The following MRAP2 variants were observed in gnomAD, a reference collection of about 807,000 sequenced individuals.
The protein encoded by MRAP2 is melanocortin-2 receptor accessory protein 2.
Under a neutral mutation model 17.4 loss-of-function variants are expected in MRAP2, and 20 were observed. The observed-to-expected ratio is 1.15, with a 90% CI of 0.81 to 1.67. The LOEUF (loss-of-function observed/expected upper bound fraction) is 1.67. Ranked by LOEUF, MRAP2 falls within the 40% of genes most tolerant of loss-of-function variation. The pLI is 0.00. For missense variants in MRAP2, 238 were observed against 240.0 expected (o/e 0.99, Z 0.05); for synonymous variants, 96 against 88.4 (o/e 1.09, Z -0.48).
intron 2 of MRAP2, chr6:84,061,758 T>G (rs1023955371): frequency 1.0e-6 from 1 of 984,812 alleles, no homozygotes; most frequent in Non-Finnish European, 1.2e-6. Flanking sequence ...GCTTTTAAAG[T>G]GGTAAATTGG....
chr6:84,099,284 G>A, the MRAP2 span, among the ~76,000 whole-genome samples: 3 of 150,736 alleles, frequency 2.0e-5, no homozygotes, highest in Non-Finnish European at 4.4e-5. Context: ...CTGAAAATCA[G>A]TTGTCTATAT....
intron 1 of MRAP2, among the ~76,000 whole-genome samples, chr6:84,038,003 T>A (rs990360346): frequency 2.6e-5 from 4 of 152,092 alleles, no homozygotes; most frequent in African/African-American, 9.7e-5. Flanking sequence ...AGTGGGGCCA[T>A]TTGAGGGTGA....
chr6:84,080,279 G>A (rs1272769969), intron 3 of MRAP2, among the ~76,000 whole-genome samples: 4 of 151,168 alleles, frequency 2.6e-5, no homozygotes, highest in Non-Finnish European at 1.5e-5. Context: ...TTCGTGATCC[G>A]CCCGCCTCAG....
At chr6:84,092,842 C>G (rs896091920), downstream of MRAP2, among the ~76,000 whole-genome samples, 2 of 152,172 alleles carry the variant, frequency 1.3e-5, no homozygotes, top group Non-Finnish European at 1.5e-5. Flanking sequence ...GCAGTTCAAC[C>G]CTATGTTGTT....
At chr6:84,107,957 A>G in the MRAP2 span, among the ~76,000 whole-genome samples, 1 of 152,224 alleles carries the variant, frequency 6.6e-6, no homozygotes, top group Admixed American at 6.5e-5. Context: ...CCACTGATCT[A>G]GCAACAATGT....
chr6:84,094,960 A>C (rs974015461), downstream of MRAP2, among the ~76,000 whole-genome samples: 3 of 152,310 alleles, frequency 2.0e-5, no homozygotes, highest in East Asian at 3.9e-4. Context: ...CAATCTAGTC[A>C]GTTTATATCA....
chr6:84,122,852 C>G, the MRAP2 span, among the ~76,000 whole-genome samples: 6 of 152,040 alleles, frequency 3.9e-5, no homozygotes, highest in Admixed American at 3.3e-4. Context: ...CCAGAAGACT[C>G]GTAGACTTGA....
At chr6:84,103,326 G>A in the MRAP2 span, among the ~76,000 whole-genome samples, 2 of 152,130 alleles carry the variant, frequency 1.3e-5, no homozygotes, top group Non-Finnish European at 2.9e-5. Context: ...TTTGTGGAAG[G>A]AGATCAAGGG....
At chr6:84,100,758 T>G in the MRAP2 span, among the ~76,000 whole-genome samples, 2 of 152,224 alleles carry the variant, frequency 1.3e-5, no homozygotes, top group East Asian at 1.9e-4. Context: ...TTTGGCTATA[T>G]GTACATGTCT....
chr6:84,116,846 C>T, the MRAP2 span, among the ~76,000 whole-genome samples: 2 of 152,160 alleles, frequency 1.3e-5, no homozygotes, highest in African/African-American at 2.4e-5. Flanking sequence ...CCTACTTGAT[C>T]GTGGTGGATA....
At chr6:84,078,560 G>A (rs937505670) in intron 3 of MRAP2, among the ~76,000 whole-genome samples, 3 of 152,126 alleles carry the variant, frequency 2.0e-5, no homozygotes, top group African/African-American at 7.2e-5. Flanking sequence ...ATTTGATCCC[G>A]TGTGGCAGTT....
the MRAP2 span, chr6:84,124,907 T>TTTTC: frequency 3.1e-6 from 2 of 642,164 alleles, no homozygotes; most frequent in South Asian, 3.8e-5. Context: ...TATATGTTTT[T>TTTTC]TTTCTTATTG....
the MRAP2 span, among the ~76,000 whole-genome samples, chr6:84,123,016 AG>A: frequency 3.0e-3 from 463 of 151,860 alleles, 3 homozygotes; most frequent in African/African-American, 0.01. Flanking sequence ...CACAGCACCT[AG>A]GAATACATTT....
At chr6:84,145,349 A>G in the MRAP2 span, among the ~76,000 whole-genome samples, 1 of 152,148 alleles carries the variant, frequency 6.6e-6, no homozygotes, top group African/African-American at 2.4e-5. Context: ...GTTCCAGCAA[A>G]ACAGACTTAT....
At chr6:84,125,187 C>T in the MRAP2 span, 1 of 1,613,546 alleles carries the variant, frequency 6.2e-7, no homozygotes, top group Non-Finnish European at 8.5e-7. Flanking sequence ...ACTTCTCCAG[C>T]TCACGATTCT....
At position 84,061,951 on chromosome 6, in the gene MRAP2, AG is replaced by A. The variant is rs552537563; in HGVS notation, c.128-940del. On this transcript the variant is annotated intron_variant, in intron 2 of 3. Transcript: ENST00000257776. ...ATATCATCAGGGCTGTGATTAAAGCAGGTTTGTACAGAAATAAAGCACAGGG... is the reference window on the plus strand; with the variant it reads ...ATATCATCAGGGCTGTGATTAAAGCAGTTTGTACAGAAATAAAGCACAGGG... 11 of 985,460 alleles carry A rather than the reference AG, an allele frequency of 1.1e-5. No individual in the cohort carries two copies. The East Asian group carries it at 1.2e-3, about 112-fold the overall frequency. The allele number at this position is 985,460 out of a possible 1,614,324, so 61.0% of individuals were successfully genotyped here.
At chr6:84,038,029 T>C (rs1420313335) in intron 1 of MRAP2, among the ~76,000 whole-genome samples, 1 of 152,222 alleles carries the variant, frequency 6.6e-6, no homozygotes, top group Admixed American at 6.5e-5. Context: ...GCTGTCCATG[T>C]GCTTCTTGCA....
Position 84,055,323 on chromosome 6 carries a change from C to T in MRAP2, c.5C>T (p.Ser2Phe). 2 of 1,612,608 alleles carry T rather than the reference C, an allele frequency of 1.2e-6. No individual in the cohort carries two copies. The highest frequency in any genetic ancestry group is 1.7e-6 in the Non-Finnish European group (2 of 1,179,684). The change falls in exon 2 of 4, where the codon TCC becomes TTC. Residue 2 changes from serine (S) to phenylalanine (F), a missense_variant. Physicochemically the swap from Ser to Phe is radical, Grantham distance 155. Coordinates refer to ENST00000257776, the MANE Select transcript of MRAP2 (RefSeq NM_138409.4). M[S>F]AQRLISNRTS... ...CTCCATTTGTGCAGGTCGGAGATGT[C>T]CGCCCAGAGGTTAATTTCTAACAGA... is the stretch of plus-strand genomic sequence containing the variant.
chr6:84,097,353 T>C, the MRAP2 span, among the ~76,000 whole-genome samples: 114 of 152,348 alleles, frequency 7.5e-4, no homozygotes, highest in African/African-American at 2.7e-3. Context: ...ATTGTGGCTT[T>C]AAGTTTCCTC....
Sources: gnomAD v4.1 joint callset for allele counts (sites outside exome capture counted in the v4.1 genomes callset) on GRCh38, gnomAD v4.1.1 for gene constraint, MANE v1.5 for transcripts, NCBI Gene and HGNC (gene_info 2026-07-23, HGNC 2026-07-21) for gene names.